Variants in DISC1 observed in about 807,000 individuals in gnomAD.
DISC1 encodes disrupted in schizophrenia 1 protein.
In DISC1, 57 loss-of-function variants were observed where a neutral mutation model predicts 84.5. The ratio of observed to expected loss-of-function variants is 0.67; its 90% confidence interval spans 0.55 to 0.84. DISC1 has a LOEUF of 0.84. Ranked by LOEUF, DISC1 falls within the 40% of genes least tolerant of loss-of-function variation. The pLI is 0.00. For synonymous variants in DISC1, 411 were observed against 415.2 expected (o/e 0.99, Z 0.12); for missense variants, 1,000 against 1,057.8 (o/e 0.95, Z 0.76).
intron 2 of DISC1, 57 bp from the exon 3 acceptor site, chr1:231,701,898 A>G: frequency 7.0e-7 from 1 of 1,437,822 alleles, no homozygotes; most frequent in Non-Finnish European, 9.5e-7. Flanking sequence ...TTTTCACAAA[A>G]ATGTTTGCTT....
chr1:231,786,291 C>A (rs933193670), intron 6 of DISC1, among the ~76,000 whole-genome samples: 1 of 152,202 alleles, frequency 6.6e-6, no homozygotes, highest in African/African-American at 2.4e-5. Context: ...CATTTTGCAA[C>A]TGAGAAGATG....
chr1:231,685,297 A>G lies in DISC1; in HGVS notation c.68-8529A>G, dbSNP rs12072724. Among the ~76,000 whole-genome samples the G allele has an allele frequency of 9.6e-3, 1,457 of 152,252 alleles. 32 individuals are homozygous for G. Among genetic ancestry groups the G allele is most frequent in the African/African-American group, 0.032 (1,347 of 41,538 alleles). On this transcript the variant is annotated intron_variant, in intron 1 of 12. Coordinates refer to ENST00000439617, the MANE Select transcript of DISC1 (RefSeq NM_018662.3). ...CAGACATATACACATTTGGATTTAT[A>G]TTTGTATACATTTTATATTAGTCAG...
Position 231,762,215 on chromosome 1 carries a change from CTTCTTTTCTTTTCTT to C in DISC1, c.1269-4898_1269-4884del, listed in dbSNP as rs71179792. The stretch of plus-strand genomic sequence containing the variant: ...TTTCTTTTCTTTTCTTTTCTTTTCT[CTTCTTTTCTTTTCTT>C]TTCTTTTCTTTTCTTTTCTTTTCTT... On this transcript the variant is annotated intron_variant, in intron 4 of 12. Coordinates refer to ENST00000439617, the MANE Select transcript of DISC1 (RefSeq NM_018662.3). Among the ~76,000 whole-genome samples the C allele has an allele frequency of 3.0e-3, 242 of 80,302 alleles. 3 individuals are homozygous for C. The highest frequency in any genetic ancestry group is 0.01 in the African/African-American group (224 of 21,654). The allele number at this position is 80,302 out of a possible 152,430, so 52.7% of individuals were successfully genotyped here.
chr1:231,937,821 T>A (rs1052603958), intron 9 of DISC1, among the ~76,000 whole-genome samples: 4 of 151,420 alleles, frequency 2.6e-5, no homozygotes, highest in Non-Finnish European at 5.9e-5. Flanking sequence ...TGTTTGCGTG[T>A]GTGCATGAAA....
chr1:231,729,709 GTTT>G (rs368321722), intron 3 of DISC1, among the ~76,000 whole-genome samples: 1 of 139,034 alleles, frequency 7.2e-6, no homozygotes, highest in Non-Finnish European at 1.6e-5. Context: ...ATCCTCTAGG[GTTT>G]TTTTTTTTTT....
intron 12 of DISC1, among the ~76,000 whole-genome samples, chr1:232,035,454 A>G (rs1670429244): frequency 6.6e-6 from 1 of 152,214 alleles, no homozygotes; most frequent in Admixed American, 6.5e-5. Context: ...TCAAAAAAAG[A>G]AAAAAGAAAG....
intron 9 of DISC1, among the ~76,000 whole-genome samples, chr1:231,841,020 G>A (rs1277879247): frequency 6.6e-6 from 1 of 152,110 alleles, no homozygotes; most frequent in African/African-American, 2.4e-5. Flanking sequence ...ATTACAGGTC[G>A]AACATTCCTA....
chr1:231,814,253 A>T (rs952965391), intron 8 of DISC1, among the ~76,000 whole-genome samples: 6 of 152,228 alleles, frequency 3.9e-5, no homozygotes, highest in African/African-American at 1.4e-4. Flanking sequence ...TGTGATCTTC[A>T]GCAAGATATT....
intron 1 of DISC1, among the ~76,000 whole-genome samples, chr1:231,674,392 T>G (rs554310166): frequency 1.1e-4 from 17 of 152,326 alleles, no homozygotes; most frequent in Admixed American, 9.2e-4. Context: ...ATAACAATAT[T>G]TGATCCATAG....
intron 9 of DISC1, among the ~76,000 whole-genome samples, chr1:231,878,017 A>C (rs2086021994): frequency 6.6e-6 from 1 of 152,260 alleles, no homozygotes; most frequent in African/African-American, 2.4e-5. Flanking sequence ...TAAGAATCAA[A>C]CTTCTTAACT....
At chr1:231,963,751 G>A (rs1012448255) in intron 10 of DISC1, among the ~76,000 whole-genome samples, 1 of 152,130 alleles carries the variant, frequency 6.6e-6, no homozygotes, top group Admixed American at 6.5e-5. Context: ...TAGGAGCTTC[G>A]GCAAGACTCA....
chr1:232,029,200 C>A (rs1359532171), intron 12 of DISC1, among the ~76,000 whole-genome samples: 1 of 150,810 alleles, frequency 6.6e-6, no homozygotes, highest in African/African-American at 2.4e-5. Context: ...CTGAAGTCAG[C>A]TCTCTCCCTC....
At chr1:231,903,667 A>G (rs957089465) in intron 9 of DISC1, among the ~76,000 whole-genome samples, 6 of 152,196 alleles carry the variant, frequency 3.9e-5, no homozygotes, top group African/African-American at 1.4e-4. Context: ...TGTTCCAGGC[A>G]GAGGGAGCCT....
chr1:231,883,616 C>T (rs1211795995), intron 9 of DISC1, among the ~76,000 whole-genome samples: 1 of 152,136 alleles, frequency 6.6e-6, no homozygotes, highest in African/African-American at 2.4e-5. Context: ...TATTGTCAGA[C>T]TTGTGCTGGG....
At chr1:231,862,931 C>T (rs553204481) in intron 9 of DISC1, among the ~76,000 whole-genome samples, 2 of 152,034 alleles carry the variant, frequency 1.3e-5, no homozygotes, top group Non-Finnish European at 1.5e-5. Context: ...TTGTTGAAAT[C>T]GAGGCTCATG....
chr1:232,002,259 A>C (rs1174537419), intron 10 of DISC1, among the ~76,000 whole-genome samples: 1 of 152,186 alleles, frequency 6.6e-6, no homozygotes. Flanking sequence ...AAACAAGATC[A>C]CTCATGCATT....
intron 10 of DISC1, among the ~76,000 whole-genome samples, chr1:231,980,252 C>T (rs893280178): frequency 3.3e-5 from 5 of 152,178 alleles, no homozygotes; most frequent in African/African-American, 4.8e-5. Flanking sequence ...CTGCATCTGG[C>T]GCCACAACTT....
chr1:231,888,337 AG>A (rs1461812713), intron 9 of DISC1, among the ~76,000 whole-genome samples: 1 of 152,096 alleles, frequency 6.6e-6, no homozygotes, highest in East Asian at 1.9e-4. Context: ...CCATGGATGC[AG>A]GAGTGGTCTG....
intron 6 of DISC1, among the ~76,000 whole-genome samples, chr1:231,773,487 C>T (rs369960496): frequency 2.0e-5 from 3 of 152,162 alleles, no homozygotes; most frequent in South Asian, 2.1e-4. Context: ...CAGGTTCAAG[C>T]GATTTTCCTG....
Sources: allele counts gnomAD v4.1 joint callset (sites outside exome capture counted in the v4.1 genomes callset), GRCh38; gene constraint gnomAD v4.1.1; transcripts MANE v1.5; gene names NCBI Gene and HGNC (gene_info 2026-07-23, HGNC 2026-07-21).